COMMD4: variants seen among roughly 807,000 people sequenced by gnomAD.
COMMD4 encodes the protein COMM domain containing 4.
COMMD4 carries 18 observed loss-of-function variants against 27.5 expected under a neutral mutation model. The observed-to-expected ratio is 0.65, with a 90% CI of 0.45 to 0.97. The LOEUF (loss-of-function observed/expected upper bound fraction) is 0.97, where lower values mean the gene tolerates loss of function less well. Ranked by LOEUF, COMMD4 falls within the 50% of genes least tolerant of loss-of-function variation. The probability of loss-of-function intolerance (pLI) is 0.00; values close to 1 mark genes in which losing one functional copy is unlikely to be tolerated. For synonymous variants in COMMD4, 108 were observed against 108.4 expected (o/e 1.00, Z 0.02); for missense variants, 243 against 250.0 (o/e 0.97, Z 0.19).
intron 6 of COMMD4, 112 bp downstream of exon 6, chr15:75,339,456 A>G: frequency 2.7e-6 from 4 of 1,488,188 alleles, no homozygotes; most frequent in Non-Finnish European, 3.7e-6. Context: ...GGTTACTAGC[A>G]GCCGTAGAGC....
chr15:75,337,573 CA>C (rs1356768968), intron 1 of COMMD4: 1 of 137,450 alleles, frequency 7.3e-6, no homozygotes, highest in Non-Finnish European at 1.5e-5. Flanking sequence ...GCCTGGGGAA[CA>C]AGAGTGAAAC....
chr15:75,339,866 G>T lies in COMMD4; in HGVS notation c.547G>T (p.Val183Phe). ...AMSLSADKFQ[V>F]LLAELKQAQT... ...GTCCCTCTCAGCAGACAAGTTCCAG[G>T]TCCTCCTGGCAGGTGAGGCTCAGCT... is the stretch of plus-strand genomic sequence containing the variant. Residue 183 changes from valine (V) to phenylalanine (F), a missense_variant, in exon 7 of 8, where the codon GTC (valine) becomes TTC (phenylalanine). Transcript: ENST00000267935. 6.2e-7 allele frequency: 1 copy of T among 1,613,142 alleles called. No homozygotes were observed. Among genetic ancestry groups the T allele is most frequent in the Non-Finnish European group, 8.5e-7 (1 of 1,179,284 alleles).
rs566459918 is a variant in COMMD4 at position 75,337,822 on chromosome 15, T to C, written c.4-240T>C. On this transcript the variant is annotated intron_variant, in intron 1 of 7. Transcript: ENST00000267935. Reference sequence around the variant, plus strand: ...GAGCTAGCACAGAGAAGGTGCTTAATTGATGTTTGCTGAGCAGATGAATGC... The same window carrying C: ...GAGCTAGCACAGAGAAGGTGCTTAACTGATGTTTGCTGAGCAGATGAATGC... The C allele has an allele frequency of 8.8e-5, 50 of 566,440 alleles. 1 individual carries two copies. Among genetic ancestry groups the C allele is most frequent in the African/African-American group, 8.6e-4 (46 of 53,196 alleles). The allele number at this position is 566,440 out of a possible 1,614,324, so 35.1% of individuals were successfully genotyped here. A position where few individuals can be genotyped will look rare whatever the true frequency, so the allele number is the denominator to read the frequency against.
chr15:75,342,478 CAGTGA>C (rs2141302467), downstream of COMMD4: 1 of 152,302 alleles, frequency 6.6e-6, no homozygotes, highest in African/African-American at 2.4e-5. Flanking sequence ...GTCAAGGCTG[CAGTGA>C]ACCATGATAG....
intron 3 of COMMD4, 70 bp from the exon 4 acceptor site, chr15:75,338,576 G>A: frequency 6.3e-7 from 1 of 1,596,648 alleles, no homozygotes; most frequent in Non-Finnish European, 8.6e-7. Flanking sequence ...CTTATCGCAG[G>A]ATCCAGGCTG....
chr15:75,339,606 A>G (rs113491355), intron 6 of COMMD4, 96 bp from the exon 7 acceptor site: 13 of 1,374,288 alleles, frequency 9.5e-6, no homozygotes, highest in African/African-American at 8.7e-5. Flanking sequence ...TAGAGGCCAC[A>G]TAGCCTTGAA....
intron 2 of COMMD4, 55 bp downstream of exon 2, chr15:75,338,188 G>T: frequency 6.4e-7 from 1 of 1,550,718 alleles, no homozygotes; most frequent in East Asian, 2.4e-5. Context: ...GGTGGGGATT[G>T]TGGGTGTAGA....
Position 75,339,966 on chromosome 15 carries a change from A to G in COMMD4, c.561A>G (p.Glu187=), listed in dbSNP as rs1181896228. ...CCTGCCCACCTCTTCCCTCTGCAGA[A>G]CTGAAGCAGGCCCAGACCCTGATGA... ...SADKFQVLLA[E]LKQAQTLMSS... is the part of the protein sequence containing the mutation. Residue 187 remains glutamate (E), a splice_region_variant and synonymous_variant, in exon 8 of 8, where the codon GAA becomes GAG. Transcript: ENST00000267935. The G allele has an allele frequency of 1.2e-6, 2 of 1,614,020 alleles. No homozygotes were observed. Among genetic ancestry groups the G allele is most frequent in the Admixed American group, 3.3e-5 (2 of 60,000 alleles).
chr15:75,340,958 C>T (rs2071424006), downstream of COMMD4: 1 of 152,298 alleles, frequency 6.6e-6, no homozygotes, highest in Admixed American at 6.5e-5. Context: ...CTGCCATCAT[C>T]TTTAGGAAGA....
Position 75,340,124 on chromosome 15 carries a change from G to A in COMMD4, c.*119G>A. On this transcript the variant is annotated 3_prime_UTR_variant, in exon 8 of 8. Transcript: ENST00000267935. ...ATGCTGAGGCCCTGGCCCGGACTCT[G>A]GCCTCCCAGATCCCCAGCTGCCTCA... 1 of 1,202,806 alleles carries A rather than the reference G, an allele frequency of 8.3e-7. No homozygotes were observed. Among genetic ancestry groups the A allele is most frequent in the Non-Finnish European group, 1.2e-6 (1 of 861,292 alleles). 74.5% of individuals were successfully genotyped at this position (1,202,806 alleles called of 1,614,324 possible). A position where few individuals can be genotyped will look rare whatever the true frequency, so the allele number is the denominator to read the frequency against.
At chr15:75,340,289 C>T, downstream of COMMD4, 1 of 466,350 alleles carries the variant, frequency 2.1e-6, no homozygotes, top group Non-Finnish European at 3.9e-6. Flanking sequence ...GCAGGGGGTT[C>T]TGTTTGGGTT....
intron 1 of COMMD4, chr15:75,337,386 A>T (rs2071242185): frequency 6.5e-6 from 1 of 152,926 alleles, no homozygotes; most frequent in Non-Finnish European, 1.5e-5. Flanking sequence ...TGAGGTCAGG[A>T]GTTCAAGACC....
At position 75,338,639 on chromosome 15, in the gene COMMD4, C is replaced by T. The variant is rs529546452; in HGVS notation, c.142-7C>T. 3.1e-6 allele frequency: 5 copies of T among 1,613,910 alleles called. No individual in the cohort carries two copies. The highest frequency in any genetic ancestry group is 1.3e-5 in the African/African-American group (1 of 75,036). ...TGGCACCCCCTGAAGGTCTCCTTTC[C>T]CCATAGTATGAGAAGATCCTGAAGC... On this transcript the variant is annotated splice_polypyrimidine_tract_variant and splice_region_variant and intron_variant, in intron 3 of 7. Coordinates refer to ENST00000267935, the MANE Select transcript of COMMD4 (RefSeq NM_017828.5).
chr15:75,340,070 G>A lies in COMMD4; in HGVS notation c.*65G>A. ...CGTATGGAGTCACGCCCTCTGAACT[G>A]CTCTTCGGGAGGCAGCCCTGGTTCT... On this transcript the variant is annotated 3_prime_UTR_variant, in exon 8 of 8. Transcript: ENST00000267935. 1 of 1,576,276 alleles carries A rather than the reference G, an allele frequency of 6.3e-7. No homozygotes were observed. The highest frequency in any genetic ancestry group is 8.6e-7 in the Non-Finnish European group (1 of 1,156,102).
At chr15:75,342,073 A>C (rs1431833043), downstream of COMMD4, 34 of 147,488 alleles carry the variant, frequency 2.3e-4, no homozygotes, top group Admixed American at 2.0e-3. Context: ...TGTCTCAAAA[A>C]AAAAAAAAAA....
At chr15:75,336,288 G>T in intron 1 of COMMD4, 196 bp downstream of exon 1, 2 of 1,473,390 alleles carry the variant, frequency 1.4e-6, no homozygotes, top group Non-Finnish European at 1.8e-6. Context: ...TACGGGGCGG[G>T]TAAGACAGAG....
chr15:75,340,453 A>G (rs750987891), downstream of COMMD4, among the ~76,000 whole-genome samples: 1 of 152,146 alleles, frequency 6.6e-6, no homozygotes, highest in Non-Finnish European at 1.5e-5. Context: ...GAAGAAAATC[A>G]GGGTTCTAGC....
chr15:75,336,513 A>C (rs1194235036), intron 1 of COMMD4: 8 of 387,990 alleles, frequency 2.1e-5, no homozygotes, highest in Middle Eastern at 6.7e-4. Context: ...CACTGTTAGG[A>C]AGCCCCTCCG....
rs1227467546 is a variant in COMMD4 at position 75,339,821 on chromosome 15, C to T, written c.502C>T (p.Pro168Ser). ...RLEVAAAPGT[P>S]AQPVAMSLSA... ...GGAGGTGGCAGCTGCCCCAGGGACC[C>T]CAGCCCAGCCTGTTGCCATGTCCCT... Residue 168 changes from proline to serine, a missense_variant, in exon 7 of 8, where the codon CCA (proline) becomes TCA (serine). Coordinates refer to ENST00000267935, the MANE Select transcript of COMMD4 (RefSeq NM_017828.5). 6.2e-7 allele frequency: 1 copy of T among 1,613,986 alleles called. No homozygotes were observed. Among genetic ancestry groups the T allele is most frequent in the Non-Finnish European group, 8.5e-7 (1 of 1,179,986 alleles).
Sources: allele counts gnomAD v4.1 joint callset (sites outside exome capture counted in the v4.1 genomes callset), GRCh38; gene constraint gnomAD v4.1.1; transcripts MANE v1.5; gene names NCBI Gene and HGNC (gene_info 2026-07-23, HGNC 2026-07-21).